Variants in ABCA10 observed in about 807,000 individuals in gnomAD.
ABCA10 encodes the protein ATP binding cassette subfamily A member 10.
Under a neutral mutation model 187.5 loss-of-function variants are expected in ABCA10, and 169 were observed. That is an observed-to-expected ratio of 0.90 (90% CI 0.80 to 1.02). The LOEUF is 1.02. ABCA10 is among the 50% of genes least tolerant of loss of function. The probability of loss-of-function intolerance (pLI) is 0.00; values close to 1 mark genes in which losing one functional copy is unlikely to be tolerated. For missense variants in ABCA10, 1,727 were observed against 1,812.4 expected (o/e 0.95, Z 0.86); for synonymous variants, 574 against 601.8 (o/e 0.95, Z 0.68).
chr17:69,154,899 A>T, intron 30 of ABCA10, 120 bp downstream of exon 30: 4 of 627,602 alleles, frequency 6.4e-6, no homozygotes, highest in Non-Finnish European at 1.1e-5. Context: ...AAGTTTTATA[A>T]TTACACATTA....
chr17:69,177,973 A>ATATATATATATATATGTTATAT, intron 22 of ABCA10, among the ~76,000 whole-genome samples: 1 of 50,004 alleles, frequency 2.0e-5, no homozygotes, highest in African/African-American at 6.1e-5. Context: ...AAAAAAAAAA[A>ATATATATATATATATGTTATAT]ATATATATAT....
At chr17:69,172,775 C>A (rs2074307335) in intron 25 of ABCA10, among the ~76,000 whole-genome samples, 1 of 143,854 alleles carries the variant, frequency 7.0e-6, no homozygotes, top group African/African-American at 2.6e-5. Flanking sequence ...TATCAAAAAT[C>A]ACAATAAACT....
At chr17:69,218,712 G>C (rs559358264) in intron 6 of ABCA10, among the ~76,000 whole-genome samples, 13 of 152,236 alleles carry the variant, frequency 8.5e-5, no homozygotes, top group Admixed American at 7.2e-4. Context: ...CTTTTACCAT[G>C]CACTAACAAA....
chr17:69,157,058 C>T, intron 27 of ABCA10, 135 bp from the exon 28 acceptor site: 1 of 522,476 alleles, frequency 1.9e-6, no homozygotes, highest in Non-Finnish European at 3.2e-6. Context: ...TTAAATTTGA[C>T]AAGCAACTTG....
Position 69,184,397 on chromosome 17 carries a change from C to T in ABCA10, c.2497+1080G>A, listed in dbSNP as rs1044621419. 3.3e-5 allele frequency among the ~76,000 whole-genome samples: 5 copies of T among 152,058 alleles called. No homozygotes were observed. The South Asian group carries it at 6.2e-4, about 19-fold the overall frequency. On this transcript the variant is annotated intron_variant, in intron 20 of 38. Transcript: ENST00000690296. ...CATAGCTGATGCTCTCTTGAAAGTG[C>T]CACCTCCAGGCTGGAGGCTGACCAA...
chr17:69,190,523 G>C, intron 17 of ABCA10, 46 bp from the exon 18 acceptor site: 1 of 1,480,600 alleles, frequency 6.8e-7, no homozygotes. Flanking sequence ...AATTATCAAT[G>C]AGTATATTAA....
intron 36 of ABCA10, 146 bp downstream of exon 36, chr17:69,151,897 C>T (rs1161004432): frequency 2.2e-5 from 27 of 1,252,102 alleles, no homozygotes; most frequent in Middle Eastern, 2.9e-4. Context: ...GTTTTTGTAA[C>T]GCATCCTAGC....
chr17:69,194,376 T>C lies in ABCA10; in HGVS notation c.1345+9A>G, dbSNP rs200028954. 3,350 of 1,599,678 alleles carry C rather than the reference T, an allele frequency of 2.1e-3. 6 individuals are homozygous for C. Among genetic ancestry groups the C allele is most frequent in the Non-Finnish European group, 2.6e-3 (3,012 of 1,170,066 alleles). On this transcript the variant is annotated intron_variant, in intron 12 of 38. Transcript: ENST00000690296. ...TCAGCCAACTTACTTTATAAAACTG[T>C]TTTCTCACCTTCTGTAGAAACAGAC... is the stretch of plus-strand genomic sequence containing the variant.
rs367958193 is a variant in ABCA10, at chr17:69,155,905, T to G, written c.3476A>C (p.Glu1159Ala). The change falls in exon 29 of 39, where the codon GAA becomes GCA. Residue 1159 changes from glutamate to alanine, a missense_variant. By Grantham distance (107) the Glu-to-Ala change is moderately radical. Transcript: ENST00000690296. ...PVFRISPRSR[E>A]THPNPEEPEE... ...GGGCTCTTCCGGATTGGGATGAGTT[T>G]CTCTACTCCGTGGAGAGATTCTACA... The G allele has an allele frequency of 1.9e-5, 30 of 1,613,592 alleles. No individual in the cohort carries two copies. In the African/African-American group the frequency reaches 3.7e-4, roughly 20 times the overall value.
intron 1 of ABCA10, among the ~76,000 whole-genome samples, chr17:69,243,261 G>A (rs903823421): frequency 4.5e-4 from 68 of 152,274 alleles, no homozygotes; most frequent in African/African-American, 1.5e-3. Flanking sequence ...CACACATCAC[G>A]TAACAACAGG....
intron 20 of ABCA10, 57 bp downstream of exon 20, chr17:69,185,420 C>T (rs900469738): frequency 7.8e-5 from 119 of 1,529,066 alleles, no homozygotes; most frequent in Non-Finnish European, 1.0e-4. Flanking sequence ...CAGGTATGTG[C>T]TTTCTAAAGA....
chr17:69,156,050 C>A, intron 28 of ABCA10, 125 bp from the exon 29 acceptor site: 1 of 1,138,052 alleles, frequency 8.8e-7, no homozygotes, highest in Non-Finnish European at 1.2e-6. Flanking sequence ...AATTTATTAC[C>A]TACAAGATTC....
At chr17:69,174,837 T>C (rs2074323146) in intron 23 of ABCA10, 60 bp from the exon 24 acceptor site, 1 of 1,392,374 alleles carries the variant, frequency 7.2e-7, no homozygotes, top group Admixed American at 2.5e-5. Context: ...TTTGTGGTTA[T>C]GTAAAAAAAA....
intron 10 of ABCA10, among the ~76,000 whole-genome samples, chr17:69,200,811 C>G (rs2074537900): frequency 6.6e-6 from 1 of 151,872 alleles, no homozygotes; most frequent in South Asian, 2.1e-4. Context: ...CTCTTGGGCT[C>G]AAGCCATCCT....
At chr17:69,242,233 C>T (rs773820073) in intron 1 of ABCA10, among the ~76,000 whole-genome samples, 38 of 152,036 alleles carry the variant, frequency 2.5e-4, no homozygotes, top group Non-Finnish European at 5.1e-4. Flanking sequence ...ATAATTTGGC[C>T]AAAGAAATTA....
intron 9 of ABCA10, among the ~76,000 whole-genome samples, chr17:69,210,751 A>T (rs941632935): frequency 1.3e-5 from 2 of 150,888 alleles, no homozygotes; most frequent in Non-Finnish European, 2.9e-5. Context: ...CCATTATTTC[A>T]TTCCTTCTTA....
At chr17:69,187,535 C>G (rs12953127) in intron 19 of ABCA10, 146 bp downstream of exon 19, 569,968 of 834,850 alleles carry the variant, frequency 0.68, 198,416 homozygotes, top group Admixed American at 0.73. Flanking sequence ...ATGAGGCAGT[C>G]AGGCCCTTTT....
At chr17:69,212,677 T>A (rs760623726) in intron 9 of ABCA10, among the ~76,000 whole-genome samples, 9 of 152,232 alleles carry the variant, frequency 5.9e-5, no homozygotes, top group Non-Finnish European at 1.0e-4. Context: ...GACTGTGACA[T>A]TTTCCTGTTG....
At chr17:69,237,506 A>T (rs2074879410) in intron 1 of ABCA10, among the ~76,000 whole-genome samples, 1 of 152,192 alleles carries the variant, frequency 6.6e-6, no homozygotes, top group South Asian at 2.1e-4. Flanking sequence ...CGGAAATATT[A>T]TAAAGACCAT....
Sources: allele counts gnomAD v4.1 joint callset (sites outside exome capture counted in the v4.1 genomes callset), GRCh38; gene constraint gnomAD v4.1.1; transcripts MANE v1.5; gene names NCBI Gene and HGNC (gene_info 2026-07-23, HGNC 2026-07-21).